Variants in DAAM1 observed in about 807,000 individuals in gnomAD.
DAAM1 encodes disheveled-associated activator of morphogenesis 1.
DAAM1 carries 52 observed loss-of-function variants against 130.0 expected under a neutral mutation model. That is an observed-to-expected ratio of 0.40 (90% CI 0.32 to 0.50). The LOEUF (loss-of-function observed/expected upper bound fraction) is 0.50. Ranked by LOEUF, DAAM1 falls within the 20% of genes least tolerant of loss-of-function variation. DAAM1 has a pLI of 0.61. For synonymous variants in DAAM1, 452 were observed against 444.5 expected (o/e 1.02, Z -0.21); for missense variants, 1,134 against 1,303.8 (o/e 0.87, Z 2.01).
At chr14:59,344,290 GC>G (rs990230214) in intron 16 of DAAM1, among the ~76,000 whole-genome samples, 2 of 152,112 alleles carry the variant, frequency 1.3e-5, no homozygotes, top group African/African-American at 2.4e-5. Context: ...TTTTAATTAC[GC>G]CTGGATGTTC....
chr14:59,330,613 A>C lies in DAAM1; in HGVS notation c.1485A>C (p.Glu495Asp). ...QTLNKMKEKL[E>D]KETTEHKQVK... ...TAAATAAAATGAAAGAGAAACTTGA[A>C]AAGGAGACTACTGAGCATAAGCAAG... is the stretch of plus-strand genomic sequence containing the variant. Residue 495 changes from glutamate to aspartate, a missense_variant, in exon 13 of 25, where the codon GAA (glutamate) becomes GAC (aspartate). By Grantham distance (45) the Glu-to-Asp change is conservative. Coordinates refer to ENST00000360909, the MANE Select transcript of DAAM1 (RefSeq NM_001270520.2). 1 of 1,614,084 alleles carries C rather than the reference A, an allele frequency of 6.2e-7. No individual in the cohort carries two copies. Among genetic ancestry groups the C allele is most frequent in the Non-Finnish European group, 8.5e-7 (1 of 1,179,994 alleles).
rs181147417 is a variant in DAAM1, at chr14:59,269,538, G to T, written c.183+5878G>T. Among the ~76,000 whole-genome samples, 46 of 152,300 alleles carry T rather than the reference G, an allele frequency of 3.0e-4. No individual in the cohort carries two copies. The East Asian group carries it at 8.1e-3, about 27-fold the overall frequency. ...CCCACTTATCTGCCGATGAAAGTTG[G>T]GTTCTCCAGTGCAGCTTACGTGAGT... On this transcript the variant is annotated intron_variant, in intron 2 of 24. Transcript: ENST00000360909.
At chr14:59,241,137 A>G (rs1481039001) in intron 1 of DAAM1, among the ~76,000 whole-genome samples, 1 of 152,250 alleles carries the variant, frequency 6.6e-6, no homozygotes, top group African/African-American at 2.4e-5. Context: ...AGGCGGAATG[A>G]GAACTTCCTG....
chr14:59,262,300 G>C (rs1214634410), intron 1 of DAAM1, among the ~76,000 whole-genome samples: 1 of 152,180 alleles, frequency 6.6e-6, no homozygotes, highest in East Asian at 1.9e-4. Context: ...AAGACGCAAT[G>C]GCATCATGCT....
chr14:59,205,423 A>G (rs2139401281), intron 1 of DAAM1, among the ~76,000 whole-genome samples: 1 of 152,364 alleles, frequency 6.6e-6, no homozygotes, highest in South Asian at 2.1e-4. Context: ...ATTTAAAAAT[A>G]TTAAGTGATG....
At chr14:59,213,343 G>T (rs1172550507) in intron 1 of DAAM1, among the ~76,000 whole-genome samples, 3 of 89,320 alleles carry the variant, frequency 3.4e-5, no homozygotes, top group Non-Finnish European at 4.0e-5. Context: ...TGATTTCACA[G>T]CTTACCAAAA....
intron 2 of DAAM1, among the ~76,000 whole-genome samples, chr14:59,286,730 G>C (rs2139555526): frequency 6.6e-6 from 1 of 152,180 alleles, no homozygotes; most frequent in Middle Eastern, 3.4e-3. Context: ...GTTTGAACCA[G>C]GAAGAAATTT....
rs528034855 is a variant in DAAM1 at position 59,331,021 on chromosome 14, C to A, written c.1561-188C>A. ...CAGACAAGTACTTGAGTGTCAGGTA[C>A]AAAAGGTTGATGCACTGGAGTCCAT... On this transcript the variant is annotated intron_variant, in intron 13 of 24. Transcript: ENST00000360909. 1.2e-4 allele frequency among the ~76,000 whole-genome samples: 18 copies of A among 152,234 alleles called. No individual in the cohort carries two copies. The South Asian group carries it at 3.7e-3, about 32-fold the overall frequency.
At chr14:59,341,937 T>C (rs1410565028) in intron 16 of DAAM1, among the ~76,000 whole-genome samples, 1 of 152,204 alleles carries the variant, frequency 6.6e-6, no homozygotes, top group Non-Finnish European at 1.5e-5. Context: ...TCGTTCCTTA[T>C]TGACAGATTA....
At chr14:59,350,121 C>T (rs74057110) in intron 17 of DAAM1, among the ~76,000 whole-genome samples, 2,354 of 152,208 alleles carry the variant, frequency 0.015, 54 homozygotes, top group African/African-American at 0.054. Context: ...CGTTTGAACT[C>T]AGGAACAGAA....
rs781033790 is a variant in DAAM1, at chr14:59,352,582, C to T, written c.2217C>T (p.His739=). 8.1e-6 allele frequency: 13 copies of T among 1,613,442 alleles called. No homozygotes were observed. The highest frequency in any genetic ancestry group is 2.2e-5 in the East Asian group (1 of 44,852). The part of the protein sequence containing the change: ...SDIDLLEEHK[H]ELDRMAKADR... ...TTGACCTATTGGAGGAACATAAACA[C>T]GAACTGGATCGGATGGCCAAGGCTG... The change falls in exon 18 of 25, where the codon CAC becomes CAT. Residue 739 remains histidine, a synonymous_variant. Coordinates refer to ENST00000360909, the MANE Select transcript of DAAM1 (RefSeq NM_001270520.2).
intron 4 of DAAM1, among the ~76,000 whole-genome samples, chr14:59,319,297 G>A (rs1304453588): frequency 2.0e-5 from 3 of 152,152 alleles, no homozygotes; most frequent in South Asian, 4.1e-4. Flanking sequence ...TGCCATAAAT[G>A]ATACTGATGT....
intron 16 of DAAM1, among the ~76,000 whole-genome samples, chr14:59,344,883 A>G (rs1886009265): frequency 6.6e-6 from 1 of 152,208 alleles, no homozygotes; most frequent in South Asian, 2.1e-4. Flanking sequence ...AATGCAAAAC[A>G]GAAGGACTCA....
intron 3 of DAAM1, among the ~76,000 whole-genome samples, chr14:59,314,677 A>C (rs1463712244): frequency 6.6e-6 from 1 of 152,114 alleles, no homozygotes; most frequent in African/African-American, 2.4e-5. Flanking sequence ...TTTTCTATCA[A>C]AACTCCTGAG....
chr14:59,321,047 GA>G (rs1237490754), intron 5 of DAAM1, among the ~76,000 whole-genome samples: 1 of 152,096 alleles, frequency 6.6e-6, no homozygotes, highest in Non-Finnish European at 1.5e-5. Flanking sequence ...GCCAAGAAGT[GA>G]AAATAACCCG....
In DAAM1 at chr14:59,349,079, T is replaced by A. The variant is rs1886191028; in HGVS notation, c.2160+1456T>A. Reference sequence around the variant, plus strand: ...GCTCCTTCACGTACCCTTCCCTCCCTTGCTGTAGACCAGTCACACAGAGTC... The same window carrying A: ...GCTCCTTCACGTACCCTTCCCTCCCATGCTGTAGACCAGTCACACAGAGTC... On this transcript the variant is annotated intron_variant, in intron 17 of 24. Coordinates refer to ENST00000360909, the MANE Select transcript of DAAM1 (RefSeq NM_001270520.2). Among the ~76,000 whole-genome samples, 3 of 152,252 alleles carry A rather than the reference T, an allele frequency of 2.0e-5. No individual in the cohort carries two copies. In the South Asian group the frequency reaches 6.2e-4, roughly 32 times the overall value.
intron 2 of DAAM1, among the ~76,000 whole-genome samples, chr14:59,267,692 C>A (rs545837501): frequency 6.6e-6 from 1 of 152,072 alleles, no homozygotes; most frequent in Non-Finnish European, 1.5e-5. Context: ...ACCCCAACAT[C>A]CCCTAACAAA....
In DAAM1 at chr14:59,330,663, C is replaced by T; in HGVS notation, c.1535C>T (p.Thr512Ile). 3.7e-6 allele frequency: 6 copies of T among 1,612,658 alleles called. No individual in the cohort carries two copies. Among genetic ancestry groups the T allele is most frequent in the Non-Finnish European group, 5.1e-6 (6 of 1,179,474 alleles). The change falls in exon 13 of 25, where the codon ACA (threonine) becomes ATA (isoleucine). Residue 512 changes from threonine (T) to isoleucine (I), a missense_variant. By Grantham distance (89) the Thr-to-Ile change is moderately conservative (BLOSUM62 -1). Transcript: ENST00000360909. ...GTCAAGCAGCAGGTGGCGGACCTCACAGCACAGCTCCATGAGCTCAGCAGG... is the reference window on the plus strand; with the variant it reads ...GTCAAGCAGCAGGTGGCGGACCTCATAGCACAGCTCCATGAGCTCAGCAGG... ...KQVKQQVADLTAQLHELSRRA... is the reference protein window; with the variant it reads ...KQVKQQVADLIAQLHELSRRA...
chr14:59,263,265 G>A (rs574740211), intron 1 of DAAM1, among the ~76,000 whole-genome samples, 176 bp from the exon 2 acceptor site: 2 of 152,254 alleles, frequency 1.3e-5, no homozygotes, highest in South Asian at 2.1e-4. Flanking sequence ...GAATAGAAGG[G>A]TGTGTGTTCT....
Sources: allele counts gnomAD v4.1 joint callset (sites outside exome capture counted in the v4.1 genomes callset), GRCh38; gene constraint gnomAD v4.1.1; transcripts MANE v1.5; gene names NCBI Gene and HGNC (gene_info 2026-07-23, HGNC 2026-07-21).